Variants in CDH20 observed in about 807,000 individuals in gnomAD.
CDH20 encodes cadherin-20.
In CDH20, 29 loss-of-function variants were observed where a neutral mutation model predicts 74.2. That is an observed-to-expected ratio of 0.39 (90% CI 0.29 to 0.53). The LOEUF is 0.53. Among genes scored for constraint, CDH20 ranks in the 20% least tolerant of loss-of-function variants. CDH20 has a pLI of 0.69. For synonymous variants in CDH20, 469 were observed against 405.4 expected (o/e 1.16, Z -1.88); for missense variants, 988 against 1,048.3 (o/e 0.94, Z 0.79).
chr18:61,543,940 C>A (rs1237005450), intron 9 of CDH20, among the ~76,000 whole-genome samples: 1 of 152,206 alleles, frequency 6.6e-6, no homozygotes, highest in Non-Finnish European at 1.5e-5. Context: ...CACCCGAGCC[C>A]TTTAACTCAA....
At chr18:61,549,132 G>T (rs909650168) in intron 10 of CDH20, among the ~76,000 whole-genome samples, 1 of 152,048 alleles carries the variant, frequency 6.6e-6, no homozygotes, top group Non-Finnish European at 1.5e-5. Flanking sequence ...ATCTACTTTA[G>T]AATTCAAACC....
chr18:61,385,541 C>T (rs1911565254), intron 1 of CDH20, among the ~76,000 whole-genome samples: 1 of 140,820 alleles, frequency 7.1e-6, no homozygotes, highest in African/African-American at 2.5e-5. Flanking sequence ...TGGACCATAC[C>T]TCAAGGAAAA....
At chr18:61,432,553 T>C (rs1435791172) in intron 1 of CDH20, among the ~76,000 whole-genome samples, 2 of 152,222 alleles carry the variant, frequency 1.3e-5, no homozygotes, top group Admixed American at 6.5e-5. Context: ...ATACTAAACC[T>C]TCCACAGTTG....
chr18:61,500,553 A>T (rs1421318120), intron 4 of CDH20, 51 bp downstream of exon 4: 2 of 1,569,598 alleles, frequency 1.3e-6, no homozygotes, highest in Admixed American at 3.5e-5. Context: ...GATAATTTAT[A>T]ACTGCTGCTA....
At chr18:61,495,395 T>C (rs977045611) in intron 2 of CDH20, among the ~76,000 whole-genome samples, 5 of 152,212 alleles carry the variant, frequency 3.3e-5, no homozygotes, top group Non-Finnish European at 7.3e-5. Flanking sequence ...ATGCTCACCT[T>C]TCCATACTCT....
chr18:61,518,030 G>A lies in CDH20; in HGVS notation c.1018-9937G>A, dbSNP rs569671526. On this transcript the variant is annotated intron_variant, in intron 6 of 11. Coordinates refer to ENST00000262717, the MANE Select transcript of CDH20 (RefSeq NM_031891.4). Reference sequence around the variant, plus strand: ...AAGTTCAAACTGGGCAGAGCCCACCGCAGCTCTGCAAAGCCACGGTACCTA... The same window carrying A: ...AAGTTCAAACTGGGCAGAGCCCACCACAGCTCTGCAAAGCCACGGTACCTA... Among the ~76,000 whole-genome samples, 163 of 152,224 alleles carry A rather than the reference G, an allele frequency of 1.1e-3. 2 individuals are homozygous for A. In the South Asian group the frequency reaches 0.014, roughly 13 times the overall value.
intron 9 of CDH20, among the ~76,000 whole-genome samples, chr18:61,540,209 T>C (rs1286545445): frequency 6.6e-6 from 1 of 152,132 alleles, no homozygotes; most frequent in Non-Finnish European, 1.5e-5. Context: ...CAGTATATCC[T>C]GTGGTCCTGT....
intron 1 of CDH20, among the ~76,000 whole-genome samples, chr18:61,337,691 A>C (rs918873086): frequency 1.3e-5 from 2 of 152,196 alleles, no homozygotes; most frequent in African/African-American, 4.8e-5. Flanking sequence ...ATTGTTATTT[A>C]CTAAAAGAAG....
chr18:61,354,138 G>T (rs1031799791), intron 1 of CDH20, among the ~76,000 whole-genome samples: 1 of 152,138 alleles, frequency 6.6e-6, no homozygotes, highest in African/African-American at 2.4e-5. Flanking sequence ...GCCATTCAGG[G>T]CTGTTAACTC....
At chr18:61,381,694 T>A (rs922766401) in intron 1 of CDH20, among the ~76,000 whole-genome samples, 3 of 152,166 alleles carry the variant, frequency 2.0e-5, no homozygotes, top group African/African-American at 7.2e-5. Flanking sequence ...TACACCTTCA[T>A]CAAAAACACC....
chr18:61,539,753 C>T (rs1568182919), intron 9 of CDH20, among the ~76,000 whole-genome samples: 1 of 152,110 alleles, frequency 6.6e-6, no homozygotes, highest in African/African-American at 2.4e-5. Context: ...GCAAGAAGTA[C>T]CTTATTTAGG....
chr18:61,354,041 CAAAA>C (rs35091174), intron 1 of CDH20, among the ~76,000 whole-genome samples: 1 of 138,996 alleles, frequency 7.2e-6, no homozygotes, highest in Non-Finnish European at 1.6e-5. Context: ...GAGACCCTGT[CAAAA>C]AAAAAAAAAG....
chr18:61,466,840 G>A (rs1162077706), intron 1 of CDH20, among the ~76,000 whole-genome samples: 1 of 152,200 alleles, frequency 6.6e-6, no homozygotes, highest in Non-Finnish European at 1.5e-5. Flanking sequence ...AGGAGCAAGA[G>A]CCTGCCCTCT....
At position 61,348,490 on chromosome 18, in the gene CDH20, T is replaced by C. The variant is rs1874366; in HGVS notation, c.-153+14663T>C. 8.3e-4 allele frequency among the ~76,000 whole-genome samples: 126 copies of C among 152,282 alleles called. 2 individuals carry two copies. Among genetic ancestry groups the C allele is most frequent in the African/African-American group, 2.9e-3 (121 of 41,544 alleles). ...ATAACCTGCTTCAAAGCAGACTGGG[T>C]TTCTGATTTCTGATGGCAGAGTTCT... On this transcript the variant is annotated intron_variant, in intron 1 of 11. Coordinates refer to ENST00000262717, the MANE Select transcript of CDH20 (RefSeq NM_031891.4).
At chr18:61,518,334 G>A (rs1466533686) in intron 6 of CDH20, among the ~76,000 whole-genome samples, 1 of 152,170 alleles carries the variant, frequency 6.6e-6, no homozygotes, top group African/African-American at 2.4e-5. Context: ...AGACACCTCT[G>A]AGCAGGGGTC....
At chr18:61,455,883 T>A (rs1909556119) in intron 1 of CDH20, among the ~76,000 whole-genome samples, 1 of 152,238 alleles carries the variant, frequency 6.6e-6, no homozygotes, top group African/African-American at 2.4e-5. Context: ...TTATGTCAAA[T>A]TAATATTTGT....
chr18:61,444,455 C>T (rs1909134274), intron 1 of CDH20, among the ~76,000 whole-genome samples: 1 of 152,166 alleles, frequency 6.6e-6, no homozygotes, highest in Admixed American at 6.5e-5. Context: ...ATGGGATATG[C>T]TTGAAGGCTA....
intron 6 of CDH20, among the ~76,000 whole-genome samples, chr18:61,517,751 G>A (rs1912052780): frequency 1.3e-5 from 2 of 152,030 alleles, no homozygotes; most frequent in Admixed American, 1.3e-4. Flanking sequence ...AGTGGCACCT[G>A]GAATGCCAGT....
chr18:61,439,329 A>G (rs1238517211), intron 1 of CDH20, among the ~76,000 whole-genome samples: 1 of 152,180 alleles, frequency 6.6e-6, no homozygotes, highest in Non-Finnish European at 1.5e-5. Flanking sequence ...ACTAGTATAT[A>G]TTCATTTTTA....
Sources: allele counts gnomAD v4.1 joint callset (sites outside exome capture counted in the v4.1 genomes callset), GRCh38; gene constraint gnomAD v4.1.1; transcripts MANE v1.5; gene names NCBI Gene and HGNC (gene_info 2026-07-23, HGNC 2026-07-21).